The following CADPS variants were observed in gnomAD, a reference collection of about 807,000 sequenced individuals.
The protein encoded by CADPS is calcium-dependent secretion activator 1.
Under a neutral mutation model 167.3 loss-of-function variants are expected in CADPS, and 57 were observed. The observed-to-expected ratio is 0.34, with a 90% CI of 0.28 to 0.42. The LOEUF (loss-of-function observed/expected upper bound fraction) is 0.42, where lower values mean the gene tolerates loss of function less well. Among genes scored for constraint, CADPS ranks in the 20% least tolerant of loss-of-function variants. The pLI is 1.00. For synonymous variants in CADPS, 676 were observed against 635.3 expected, an observed-to-expected ratio of 1.06 and a Z score of -0.96; for missense variants, 1,414 against 1,738.1, an observed-to-expected ratio of 0.81 and a Z score of 3.32.
chr3:62,748,523 A>G (rs2082038478), intron 3 of CADPS, among the ~76,000 whole-genome samples: 2 of 152,062 alleles, frequency 1.3e-5, no homozygotes, highest in African/African-American at 4.8e-5. Context: ...ACAACTGAGA[A>G]TCAAATTTAC....
intron 3 of CADPS, among the ~76,000 whole-genome samples, chr3:62,712,772 G>C (rs1004765529): frequency 6.6e-6 from 1 of 152,170 alleles, no homozygotes; most frequent in Non-Finnish European, 1.5e-5. Context: ...TGATTCCACT[G>C]GAGATGTTTG....
In CADPS at chr3:62,525,679, A is replaced by ATG. The variant is rs34729200; in HGVS notation, c.2291+7190_2291+7191dup. Among the ~76,000 whole-genome samples, 1,096 of 148,902 alleles carry ATG rather than the reference A, an allele frequency of 7.4e-3. 19 individuals carry two copies. Among genetic ancestry groups the ATG allele is most frequent in the Admixed American group, 0.035 (519 of 14,972 alleles). ...GAGAAGCACCGGATGTAATGTCATT[A>ATG]TGTGTGTGTGTGTGTGTGTGTGTGT... On this transcript the variant is annotated intron_variant, in intron 13 of 29. Coordinates refer to ENST00000383710, the MANE Select transcript of CADPS (RefSeq NM_003716.4).
At chr3:62,577,631 T>G (rs1053118178) in intron 8 of CADPS, among the ~76,000 whole-genome samples, 2 of 152,252 alleles carry the variant, frequency 1.3e-5, no homozygotes, top group African/African-American at 4.8e-5. Context: ...ACAATAACTC[T>G]TCTATAGCTG....
chr3:62,859,614 G>A (rs948026785), intron 1 of CADPS, among the ~76,000 whole-genome samples: 1 of 152,136 alleles, frequency 6.6e-6, no homozygotes, highest in African/African-American at 2.4e-5. Context: ...CATAATAACA[G>A]CAGTACATAG....
intron 1 of CADPS, among the ~76,000 whole-genome samples, chr3:62,869,963 C>T (rs1011993573): frequency 6.6e-5 from 10 of 152,106 alleles, no homozygotes; most frequent in Non-Finnish European, 1.5e-4. Flanking sequence ...TTACTCAGTG[C>T]AATTCTTCAG....
At chr3:62,528,312 C>T (rs527658017) in intron 13 of CADPS, among the ~76,000 whole-genome samples, 2 of 152,204 alleles carry the variant, frequency 1.3e-5, no homozygotes, top group Admixed American at 6.5e-5. Context: ...TGAATTTATG[C>T]GAGCCTCAAG....
At chr3:62,592,799 C>T (rs1351543543) in intron 6 of CADPS, 51 bp from the exon 7 acceptor site, 1 of 1,339,896 alleles carries the variant, frequency 7.5e-7, no homozygotes, top group South Asian at 1.2e-5. Context: ...CTTGATGAGT[C>T]TAAACTATTC....
chr3:62,500,700 G>A (rs1292623950), intron 17 of CADPS: 1 of 152,098 alleles, frequency 6.6e-6, no homozygotes, highest in Admixed American at 6.6e-5. Context: ...GCTTCAGGAT[G>A]TTTCTTGCTA....
chr3:62,856,064 G>A (rs2079621785), intron 1 of CADPS, among the ~76,000 whole-genome samples: 1 of 151,912 alleles, frequency 6.6e-6, no homozygotes, highest in Non-Finnish European at 1.5e-5. Context: ...AGTAACAACA[G>A]AAACAGAAAC....
rs182608662 is a variant in CADPS at position 62,720,345 on chromosome 3, T to G, written c.888+33096A>C. Among the ~76,000 whole-genome samples, 236 of 151,356 alleles carry G rather than the reference T, an allele frequency of 1.6e-3. 2 individuals are homozygous for G. Among genetic ancestry groups the G allele is most frequent in the South Asian group, 7.3e-3 (35 of 4,788 alleles). On this transcript the variant is annotated intron_variant, in intron 3 of 29. Transcript: ENST00000383710. ...CTTTTGTTTGTTTGTTTGTTTGTTT[T>G]TTTTTGAAACACGGTATCGCTCTGT...
At chr3:62,853,046 T>C (rs1397615194) in intron 1 of CADPS, among the ~76,000 whole-genome samples, 1 of 152,180 alleles carries the variant, frequency 6.6e-6, no homozygotes, top group East Asian at 1.9e-4. Flanking sequence ...AGAAAGCCCA[T>C]CTAAGCAGTG....
intron 3 of CADPS, among the ~76,000 whole-genome samples, chr3:62,669,315 G>GT (rs371772979): frequency 8.1e-4 from 123 of 152,240 alleles, no homozygotes; most frequent in African/African-American, 2.3e-3. Flanking sequence ...ACAGCCCCAT[G>GT]TTTTTTTATC....
At chr3:62,590,006 T>A (rs1029462587) in intron 7 of CADPS, among the ~76,000 whole-genome samples, 1 of 151,954 alleles carries the variant, frequency 6.6e-6, no homozygotes, top group South Asian at 2.1e-4. Flanking sequence ...CTGACCAACA[T>A]GGTAAAACCC....
At chr3:62,653,026 C>T (rs970830195) in intron 4 of CADPS, among the ~76,000 whole-genome samples, 21 of 152,166 alleles carry the variant, frequency 1.4e-4, no homozygotes, top group African/African-American at 5.1e-4. Flanking sequence ...TTGTTCCCCT[C>T]TCTCCCTATC....
chr3:62,839,573 G>A (rs944409066), intron 1 of CADPS, among the ~76,000 whole-genome samples: 4 of 152,172 alleles, frequency 2.6e-5, no homozygotes, highest in African/African-American at 7.2e-5. Flanking sequence ...GCTAGACCAC[G>A]AAGGGCCTGA....
At chr3:62,537,336 G>A (rs1317479216) in intron 11 of CADPS, among the ~76,000 whole-genome samples, 1 of 152,130 alleles carries the variant, frequency 6.6e-6, no homozygotes, top group Non-Finnish European at 1.5e-5. Flanking sequence ...TCCTTACGGG[G>A]TGAAGGCTGT....
intron 28 of CADPS, among the ~76,000 whole-genome samples, chr3:62,437,482 A>G (rs1235802005): frequency 1.3e-5 from 2 of 151,958 alleles, no homozygotes; most frequent in East Asian, 1.9e-4. Context: ...CCGCAGCCCA[A>G]TGTACTCATT....
At position 62,596,071 on chromosome 3, in the gene CADPS, G is replaced by A. The variant is rs527529758; in HGVS notation, c.1326-3323C>T. ...GTAAGTTAATACTTAATTAACTCCC[G>A]TTTTTATATATATGTATACACACAC... On this transcript the variant is annotated intron_variant, in intron 6 of 29. Transcript: ENST00000383710. 9.6e-4 allele frequency among the ~76,000 whole-genome samples: 138 copies of A among 144,278 alleles called. 1 individual carries two copies. The highest frequency in any genetic ancestry group is 3.0e-3 in the African/African-American group (115 of 38,116). The allele number at this position is 144,278 out of a possible 152,430, so 94.7% of individuals were successfully genotyped here.
At chr3:62,577,201 C>G (rs1449525168) in intron 8 of CADPS, among the ~76,000 whole-genome samples, 1 of 152,112 alleles carries the variant, frequency 6.6e-6, no homozygotes, top group African/African-American at 2.4e-5. Flanking sequence ...TGTAACTTTT[C>G]ATTTGAATAA....
Sources: gnomAD v4.1 joint callset for allele counts (sites outside exome capture counted in the v4.1 genomes callset) on GRCh38, gnomAD v4.1.1 for gene constraint, MANE v1.5 for transcripts, NCBI Gene and HGNC (gene_info 2026-07-23, HGNC 2026-07-21) for gene names.